Variants in DLG1 observed in about 807,000 individuals in gnomAD.
DLG1 encodes the protein discs large MAGUK scaffold protein 1, also known as disks large homolog 1.
In DLG1, 42 loss-of-function variants were observed where a neutral mutation model predicts 123.4. The observed-to-expected ratio is 0.34, with a 90% CI of 0.27 to 0.44. The LOEUF is 0.44. Ranked by LOEUF, DLG1 falls within the 20% of genes least tolerant of loss-of-function variation. The pLI, the probability that DLG1 is intolerant of heterozygous loss-of-function variation, is 1.00. For synonymous variants in DLG1, 317 were observed against 356.2 expected (o/e 0.89, Z 1.24); for missense variants, 942 against 1,082.6 (o/e 0.87, Z 1.82).
intron 18 of DLG1, among the ~76,000 whole-genome samples, chr3:197,075,199 T>C (rs1393446904): frequency 4.7e-5 from 7 of 149,940 alleles, no homozygotes; most frequent in Admixed American, 3.4e-4. Context: ...GAAGATTAAG[T>C]AACTAGCTAG....
intron 24 of DLG1, among the ~76,000 whole-genome samples, chr3:197,050,329 T>C (rs1192028579): frequency 1.3e-5 from 2 of 151,364 alleles, no homozygotes; most frequent in Non-Finnish European, 2.9e-5. Flanking sequence ...ATTGCGCCAC[T>C]GCACTCCAGC....
At chr3:197,107,084 C>CTA (rs1475821299) in intron 13 of DLG1, among the ~76,000 whole-genome samples, 1 of 152,130 alleles carries the variant, frequency 6.6e-6, no homozygotes, top group Non-Finnish European at 1.5e-5. Context: ...GTACATATAC[C>CTA]TATATATACC....
At chr3:197,235,698 A>C (rs1468588572) in intron 4 of DLG1, among the ~76,000 whole-genome samples, 1 of 152,244 alleles carries the variant, frequency 6.6e-6, no homozygotes, top group Admixed American at 6.5e-5. Flanking sequence ...CAGAGAAAAC[A>C]GTACTTAGGA....
intron 4 of DLG1, among the ~76,000 whole-genome samples, chr3:197,265,016 A>C (rs1236383956): frequency 6.6e-6 from 1 of 152,222 alleles, no homozygotes; most frequent in East Asian, 1.9e-4. Context: ...ACAGGTTTTA[A>C]GGCTGTACTC....
At chr3:197,262,504 C>G (rs1188009022) in intron 4 of DLG1, among the ~76,000 whole-genome samples, 1 of 152,118 alleles carries the variant, frequency 6.6e-6, no homozygotes, top group Non-Finnish European at 1.5e-5. Flanking sequence ...GCAAATTAAC[C>G]AAACCCAAGG....
intron 4 of DLG1, among the ~76,000 whole-genome samples, chr3:197,213,040 T>C (rs1732079950): frequency 6.6e-6 from 1 of 152,154 alleles, no homozygotes; most frequent in South Asian, 2.1e-4. Flanking sequence ...TTCTTATACC[T>C]AGGATATGAA....
At chr3:197,092,851 G>A (rs1455868544) in intron 14 of DLG1, among the ~76,000 whole-genome samples, 2 of 152,076 alleles carry the variant, frequency 1.3e-5, no homozygotes, top group Middle Eastern at 3.2e-3. Flanking sequence ...GAGTATTACT[G>A]TTGCCAAGTG....
chr3:197,065,905 G>A (rs1405107092), intron 20 of DLG1, 96 bp from the exon 21 acceptor site: 1 of 760,004 alleles, frequency 1.3e-6, no homozygotes, highest in African/African-American at 1.8e-5. Context: ...TAACTGTTAT[G>A]ACTAATTTTT....
intron 23 of DLG1, among the ~76,000 whole-genome samples, chr3:197,058,200 G>T (rs1441225541): frequency 6.6e-6 from 1 of 152,036 alleles, no homozygotes; most frequent in East Asian, 1.9e-4. Context: ...GGCTGGTCTT[G>T]AACTCCTGAA....
At chr3:197,297,687 G>T in intron 1 of DLG1, 2 of 989,344 alleles carry the variant, frequency 2.0e-6, no homozygotes, top group Non-Finnish European at 2.4e-6. Context: ...CTCCTTGCTC[G>T]CTGCCTCCGG....
intron 11 of DLG1, among the ~76,000 whole-genome samples, chr3:197,127,671 C>T (rs1780450430): frequency 6.6e-6 from 1 of 151,018 alleles, no homozygotes; most frequent in Non-Finnish European, 1.5e-5. Flanking sequence ...TATTGTAAAT[C>T]AGTGTTTCTC....
At chr3:197,067,551 G>GTTTTTTTTTTTT (rs199907948) in intron 19 of DLG1, among the ~76,000 whole-genome samples, 1 of 107,380 alleles carries the variant, frequency 9.3e-6, no homozygotes, top group Non-Finnish European at 1.8e-5. Flanking sequence ...AACTCTGAGA[G>GTTTTTTTTTTTT]TTTTTTTTTT....
intron 12 of DLG1, among the ~76,000 whole-genome samples, chr3:197,116,363 CT>C (rs1487239137): frequency 6.6e-6 from 1 of 152,056 alleles, no homozygotes; most frequent in Non-Finnish European, 1.5e-5. Flanking sequence ...ATTATAAGAG[CT>C]TATCAGGAAA....
intron 5 of DLG1, among the ~76,000 whole-genome samples, chr3:197,159,639 A>G (rs1797978850): frequency 6.6e-6 from 1 of 152,270 alleles, no homozygotes; most frequent in African/African-American, 2.4e-5. Flanking sequence ...TTACTTGGGG[A>G]CGGATATTTT....
In DLG1 at chr3:197,204,929, C is replaced by T. The variant is rs1727728005; in HGVS notation, c.319-10340G>A. 1.3e-5 allele frequency among the ~76,000 whole-genome samples: 2 copies of T among 152,198 alleles called. 1 individual carries two copies. Among genetic ancestry groups the T allele is most frequent in the Admixed American group, 1.3e-4 (2 of 15,274 alleles). ...AAAGCATTAAAAATCCCCGAAACCA[C>T]TGACAGCAATCGCCAAAAGGTTAAG... On this transcript the variant is annotated intron_variant, in intron 4 of 24. Coordinates refer to ENST00000667157, the MANE Select transcript of DLG1 (RefSeq NM_001366207.1).
chr3:197,215,229 A>G (rs575629871), intron 4 of DLG1, among the ~76,000 whole-genome samples: 2 of 152,356 alleles, frequency 1.3e-5, no homozygotes, highest in East Asian at 1.9e-4. Context: ...TGACTGGAAC[A>G]TAAGTAATAG....
intron 4 of DLG1, among the ~76,000 whole-genome samples, chr3:197,242,713 T>C (rs1749578021): frequency 6.6e-6 from 1 of 151,990 alleles, no homozygotes; most frequent in South Asian, 2.1e-4. Context: ...ACTTAAAAAC[T>C]TGAAACAAAT....
intron 3 of DLG1, among the ~76,000 whole-genome samples, chr3:197,289,152 AC>A (rs1354910112): frequency 6.6e-6 from 1 of 152,234 alleles, no homozygotes; most frequent in African/African-American, 2.4e-5. Context: ...AGGAAAAAAA[AC>A]AATTGTGCTG....
chr3:197,284,485 T>G (rs1474843700), intron 3 of DLG1, among the ~76,000 whole-genome samples: 3 of 152,078 alleles, frequency 2.0e-5, no homozygotes, highest in Non-Finnish European at 2.9e-5. Flanking sequence ...TTAACTTGAG[T>G]ACAACTCTAA....
Sources: allele counts gnomAD v4.1 joint callset (sites outside exome capture counted in the v4.1 genomes callset), GRCh38; gene constraint gnomAD v4.1.1; transcripts MANE v1.5; gene names NCBI Gene and HGNC (gene_info 2026-07-23, HGNC 2026-07-21).